CADM2: variants seen among roughly 807,000 people sequenced by gnomAD.
CADM2 encodes the protein cell adhesion molecule 2, also known as immunoglobulin superfamily member 4D.
A neutral mutation model predicts 49.8 loss-of-function variants in CADM2; 12 were observed. The ratio of observed to expected loss-of-function variants is 0.24; its 90% CI spans 0.15 to 0.39. The LOEUF is 0.39. Ranked by LOEUF, CADM2 falls within the 10% of genes least tolerant of loss-of-function variation. The pLI is 1.00. For missense variants in CADM2, 378 were observed against 492.3 expected (o/e 0.77, Z 2.20); for synonymous variants, 214 against 175.4 (o/e 1.22, Z -1.74).
At chr3:85,689,642 T>C (rs1329314772) in intron 1 of CADM2, among the ~76,000 whole-genome samples, 1 of 151,624 alleles carries the variant, frequency 6.6e-6, no homozygotes, top group South Asian at 2.1e-4. Context: ...TAAGAAGGAG[T>C]TGCTGGGTCA....
chr3:85,214,710 G>A (rs951698381), intron 1 of CADM2, among the ~76,000 whole-genome samples: 1 of 151,932 alleles, frequency 6.6e-6, no homozygotes, highest in African/African-American at 2.4e-5. Context: ...TCCTCAAGCA[G>A]AGCAGTCTCT....
chr3:86,043,152 C>T (rs142146098), intron 8 of CADM2, among the ~76,000 whole-genome samples: 7,338 of 152,202 alleles, frequency 0.048, 385 homozygotes, highest in African/African-American at 0.14. Context: ...TGGAAGCATT[C>T]GCTTTGAAAA....
At chr3:85,650,457 T>A (rs1403003000) in intron 1 of CADM2, among the ~76,000 whole-genome samples, 1 of 151,580 alleles carries the variant, frequency 6.6e-6, no homozygotes, top group Non-Finnish European at 1.5e-5. Context: ...TGTGTAACTA[T>A]GTGTTAGTGT....
intron 1 of CADM2, among the ~76,000 whole-genome samples, chr3:84,984,897 C>T (rs1204485060): frequency 6.6e-6 from 1 of 152,058 alleles, no homozygotes; most frequent in Non-Finnish European, 1.5e-5. Flanking sequence ...AGTGTAATTC[C>T]AAGTAACCTT....
Position 85,883,509 on chromosome 3 carries a change from T to C in CADM2, c.391+66T>C, listed in dbSNP as rs964457119. On this transcript the variant is annotated intron_variant, in intron 4 of 9. Coordinates refer to ENST00000383699, the MANE Select transcript of CADM2 (RefSeq NM_001167675.2). ...AATGATATATATTGCTACAGCAACA[T>C]AATTCAATACAAAAATATATTTTGA... 12 of 1,313,404 alleles carry C rather than the reference T, an allele frequency of 9.1e-6. No homozygotes were observed. In the Admixed American group the frequency reaches 2.6e-4, roughly 29 times the overall value. 81.4% of individuals were successfully genotyped at this position (1,313,404 alleles called of 1,614,324 possible).
At chr3:85,088,647 A>C (rs2037475871) in intron 1 of CADM2, among the ~76,000 whole-genome samples, 1 of 152,140 alleles carries the variant, frequency 6.6e-6, no homozygotes, top group African/African-American at 2.4e-5. Context: ...AAAAATAAAG[A>C]GTTTTGAAAT....
At chr3:85,603,898 T>C (rs2063484427) in intron 1 of CADM2, among the ~76,000 whole-genome samples, 1 of 151,946 alleles carries the variant, frequency 6.6e-6, no homozygotes, top group African/African-American at 2.4e-5. Flanking sequence ...AGGAAATGTA[T>C]CCTTTAAAGT....
At chr3:85,254,316 G>A (rs1366924910) in intron 1 of CADM2, among the ~76,000 whole-genome samples, 3 of 152,034 alleles carry the variant, frequency 2.0e-5, no homozygotes, top group Non-Finnish European at 2.9e-5. Context: ...CATGGGTTCA[G>A]CAATCCAGAA....
At chr3:85,185,737 T>C (rs1017207019) in intron 1 of CADM2, among the ~76,000 whole-genome samples, 4 of 152,154 alleles carry the variant, frequency 2.6e-5, no homozygotes, top group African/African-American at 9.7e-5. Flanking sequence ...TTAAGAGCAA[T>C]TGAAGAGCTG....
intron 6 of CADM2, among the ~76,000 whole-genome samples, chr3:85,925,506 A>T (rs1174447366): frequency 2.0e-5 from 3 of 152,210 alleles, no homozygotes; most frequent in Admixed American, 2.0e-4. Context: ...AAAATAAACT[A>T]AACATCTTAG....
intron 1 of CADM2, among the ~76,000 whole-genome samples, chr3:85,135,134 T>C (rs1183596945): frequency 6.6e-6 from 1 of 151,974 alleles, no homozygotes; most frequent in African/African-American, 2.4e-5. Flanking sequence ...GAGATTATAA[T>C]ATATTAGTTG....
intron 2 of CADM2, among the ~76,000 whole-genome samples, chr3:85,745,824 A>T (rs1158674414): frequency 6.6e-6 from 1 of 152,050 alleles, no homozygotes; most frequent in Non-Finnish European, 1.5e-5. Context: ...CTTACTTCTG[A>T]ATCGTGTTGA....
chr3:85,748,386 C>T (rs1023440059), intron 2 of CADM2, among the ~76,000 whole-genome samples: 2 of 151,894 alleles, frequency 1.3e-5, no homozygotes, highest in Non-Finnish European at 2.9e-5. Context: ...ACGAAGCAGG[C>T]GAAATAGCCT....
Position 85,789,422 on chromosome 3 carries a change from T to C in CADM2, c.89-12625T>C, listed in dbSNP as rs140216179. The stretch of plus-strand genomic sequence containing the variant: ...CTTTATGTATACATAATAATTACCA[T>C]GTAAGCCTGTTTTAAAATCACAGAA... On this transcript the variant is annotated intron_variant, in intron 2 of 9. Transcript: ENST00000383699. 1.8e-3 allele frequency among the ~76,000 whole-genome samples: 268 copies of C among 152,312 alleles called. 1 individual carries two copies. Among genetic ancestry groups the C allele is most frequent in the African/African-American group, 6.3e-3 (260 of 41,588 alleles).
At chr3:85,835,477 A>T (rs1440948068) in intron 3 of CADM2, among the ~76,000 whole-genome samples, 1 of 151,196 alleles carries the variant, frequency 6.6e-6, no homozygotes, top group Non-Finnish European at 1.5e-5. Context: ...CTATAGGCAA[A>T]ACAGAACTAC....
intron 7 of CADM2, among the ~76,000 whole-genome samples, chr3:85,941,331 A>G (rs1471941492): frequency 2.0e-5 from 3 of 152,070 alleles, no homozygotes; most frequent in African/African-American, 7.2e-5. Context: ...TCTCACATAT[A>G]TTCTCAGGCA....
At chr3:86,047,525 A>G (rs920017944) in intron 8 of CADM2, among the ~76,000 whole-genome samples, 1 of 152,202 alleles carries the variant, frequency 6.6e-6, no homozygotes, top group Non-Finnish European at 1.5e-5. Flanking sequence ...GGTAGAATTT[A>G]CATCTATCAC....
At chr3:86,013,732 CT>C in intron 8 of CADM2, 1 of 1,593,866 alleles carries the variant, frequency 6.3e-7, no homozygotes. Flanking sequence ...GGTTTTCTGC[CT>C]TATGAAGCTG....
chr3:85,165,657 A>G (rs1237486456), intron 1 of CADM2, among the ~76,000 whole-genome samples: 1 of 151,872 alleles, frequency 6.6e-6, no homozygotes, highest in Non-Finnish European at 1.5e-5. Flanking sequence ...TGTGATAAAT[A>G]TCCCTGAAGA....
Sources: allele counts gnomAD v4.1 joint callset (sites outside exome capture counted in the v4.1 genomes callset), GRCh38; gene constraint gnomAD v4.1.1; transcripts MANE v1.5; gene names NCBI Gene and HGNC (gene_info 2026-07-23, HGNC 2026-07-21).